The following CLNK variants were observed in gnomAD, a reference collection of about 807,000 sequenced individuals.
CLNK encodes the protein cytokine dependent hematopoietic cell linker.
In CLNK, 74 loss-of-function variants were observed where a neutral mutation model predicts 68.6. That is an observed-to-expected ratio of 1.08 (90% CI 0.89 to 1.31). The LOEUF (loss-of-function observed/expected upper bound fraction) is 1.31, where lower values mean the gene tolerates loss of function less well. CLNK is among the 50% of genes most tolerant of loss of function. The probability of loss-of-function intolerance (pLI) is 0.00; values close to 1 mark genes in which losing one functional copy is unlikely to be tolerated. For missense variants in CLNK, 553 were observed against 515.3 expected (o/e 1.07, Z -0.71); for synonymous variants, 198 against 172.2 (o/e 1.15, Z -1.17).
chr4:10,531,704 G>T (rs780752510), intron 12 of CLNK: 1 of 456,560 alleles, frequency 2.2e-6, no homozygotes, highest in Non-Finnish European at 4.4e-6. Context: ...GCCTCCCAAA[G>T]TGCTGGGATT....
rs199898606 is a variant in CLNK at position 10,540,444 on chromosome 4, C to G, written c.602+50G>C. On this transcript the variant is annotated intron_variant, in intron 11 of 18. Transcript: ENST00000226951. The stretch of plus-strand genomic sequence containing the variant: ...TTTGGTTTCCCTTGTCCCCCTCCCC[C>G]ACACCCACACTCTTGCTGGTCATTT... The G allele has an allele frequency of 1.5e-4, 210 of 1,419,714 alleles. No individual in the cohort carries two copies. The African/African-American group carries it at 2.5e-3, about 17-fold the overall frequency. The allele number at this position is 1,419,714 out of a possible 1,614,324, so 87.9% of individuals were successfully genotyped here.
chr4:10,693,670 T>C, the CLNK span, among the ~76,000 whole-genome samples: 1 of 152,214 alleles, frequency 6.6e-6, no homozygotes, highest in South Asian at 2.1e-4. Flanking sequence ...CCAGCAGCCC[T>C]AAGTGCCTGA....
the CLNK span, among the ~76,000 whole-genome samples, chr4:10,705,700 A>G: frequency 2.0e-5 from 3 of 152,330 alleles, no homozygotes; most frequent in South Asian, 6.2e-4. Context: ...TAATTTCTCA[A>G]TCTTAAGGTC....
At chr4:10,633,385 C>A (rs959759152) in intron 2 of CLNK, among the ~76,000 whole-genome samples, 4 of 152,220 alleles carry the variant, frequency 2.6e-5, no homozygotes, top group Non-Finnish European at 4.4e-5. Context: ...GACTGATGGG[C>A]TGCAGCTTTC....
chr4:10,627,095 A>C (rs551728816), intron 2 of CLNK, among the ~76,000 whole-genome samples: 2 of 152,344 alleles, frequency 1.3e-5, no homozygotes, highest in Admixed American at 1.3e-4. Context: ...CAAAAGACTT[A>C]AACTTTCCTT....
rs770524791 is a variant in CLNK at position 10,540,531 on chromosome 4, GA to G, written c.564del (p.Gln189ArgfsTer15). ...PEPESSRPPLSQRHTFPEVQR... is the reference protein window; with the variant it reads ...PEPESSRPPLXQRHTFPEVQR... ...TGGACTTCTGGAAAGGTGTGTCTCT[GA>G]GATAAAGGTGGCCTGCTGCTCTCCG... is the stretch of plus-strand genomic sequence containing the variant. On this transcript the variant is annotated frameshift_variant, in exon 11 of 19. Coordinates refer to ENST00000226951, the MANE Select transcript of CLNK (RefSeq NM_052964.4). LOFTEE classifies it high-confidence loss of function. 32 of 1,613,684 alleles carry G rather than the reference GA, an allele frequency of 2.0e-5. No individual in the cohort carries two copies. The African/African-American group carries it at 4.1e-4, about 21-fold the overall frequency.
intron 8 of CLNK, among the ~76,000 whole-genome samples, chr4:10,556,932 C>T (rs1340893708): frequency 6.6e-6 from 1 of 151,870 alleles, no homozygotes; most frequent in Non-Finnish European, 1.5e-5. Flanking sequence ...AAAAATTAGC[C>T]AGGCATGGTG....
intron 8 of CLNK, among the ~76,000 whole-genome samples, chr4:10,555,365 G>T (rs1302586001): frequency 6.6e-6 from 1 of 152,024 alleles, no homozygotes; most frequent in Non-Finnish European, 1.5e-5. Context: ...TCTCAGCTTT[G>T]GTTTCTCTAG....
At chr4:10,697,971 C>T in the CLNK span, among the ~76,000 whole-genome samples, 6 of 152,128 alleles carry the variant, frequency 3.9e-5, no homozygotes, top group Non-Finnish European at 8.8e-5. Context: ...ACCATGAAGA[C>T]CAGAACAGGA....
chr4:10,506,030 G>A (rs2109029583), intron 17 of CLNK, among the ~76,000 whole-genome samples: 1 of 152,098 alleles, frequency 6.6e-6, no homozygotes, highest in East Asian at 1.9e-4. Context: ...AGTGACCATT[G>A]TACTGGTTAG....
chr4:10,577,315 G>A (rs1720604384), intron 4 of CLNK, among the ~76,000 whole-genome samples: 1 of 152,168 alleles, frequency 6.6e-6, no homozygotes, highest in African/African-American at 2.4e-5. Flanking sequence ...GTTGCCAGCT[G>A]GACTTAAGAA....
At chr4:10,661,468 G>A (rs61796837) in intron 2 of CLNK, among the ~76,000 whole-genome samples, 16,814 of 152,218 alleles carry the variant, frequency 0.11, 1,064 homozygotes, top group East Asian at 0.23. Flanking sequence ...GGATTTTGGA[G>A]TCAGAAATAT....
At chr4:10,712,121 T>C in the CLNK span, among the ~76,000 whole-genome samples, 1 of 152,138 alleles carries the variant, frequency 6.6e-6, no homozygotes, top group African/African-American at 2.4e-5. Context: ...ATAAGGAGAA[T>C]TTTTTTGAAT....
chr4:10,595,086 AAAACCAAACC>A (rs756916705), intron 3 of CLNK, among the ~76,000 whole-genome samples: 58 of 152,182 alleles, frequency 3.8e-4, no homozygotes, highest in Non-Finnish European at 2.2e-4. Context: ...CGTCTCAAAA[AAAACCAAACC>A]AAACCAAACC....
At chr4:10,510,566 TG>T (rs1717533649) in intron 16 of CLNK, among the ~76,000 whole-genome samples, 1 of 152,216 alleles carries the variant, frequency 6.6e-6, no homozygotes, top group African/African-American at 2.4e-5. Context: ...AAGACTAGTT[TG>T]GGTCATGATG....
intron 4 of CLNK, among the ~76,000 whole-genome samples, chr4:10,574,145 G>C (rs1010157335): frequency 6.6e-6 from 1 of 152,132 alleles, no homozygotes; most frequent in Non-Finnish European, 1.5e-5. Context: ...TTTAAAGCCT[G>C]ATCCTAACAC....
At chr4:10,658,116 C>A (rs978644359) in intron 2 of CLNK, among the ~76,000 whole-genome samples, 3 of 152,260 alleles carry the variant, frequency 2.0e-5, no homozygotes, top group Admixed American at 2.0e-4. Flanking sequence ...CACCCCTTCC[C>A]AGGATTTGCT....
chr4:10,618,078 C>T (rs975437997), intron 2 of CLNK, among the ~76,000 whole-genome samples: 1 of 152,140 alleles, frequency 6.6e-6, no homozygotes, highest in Admixed American at 6.5e-5. Context: ...TACACACGAA[C>T]ATTCTTAGTA....
chr4:10,675,809 G>A (rs1724849032), intron 1 of CLNK, among the ~76,000 whole-genome samples: 1 of 152,158 alleles, frequency 6.6e-6, no homozygotes, highest in Non-Finnish European at 1.5e-5. Flanking sequence ...AATGAATCGA[G>A]AAGGTAGGAG....
Sources: gnomAD v4.1 joint callset for allele counts (sites outside exome capture counted in the v4.1 genomes callset) on GRCh38, gnomAD v4.1.1 for gene constraint, MANE v1.5 for transcripts, NCBI Gene and HGNC (gene_info 2026-07-23, HGNC 2026-07-21) for gene names.